The following ARSB variants were observed in gnomAD, a reference collection of about 807,000 sequenced individuals.
ARSB encodes N-acetylgalactosamine-4-sulfatase.
Under a neutral mutation model 50.9 loss-of-function variants are expected in ARSB, and 41 were observed. The observed-to-expected ratio is 0.81, with a 90% CI of 0.63 to 1.04. The LOEUF (loss-of-function observed/expected upper bound fraction) is 1.04, where lower values mean the gene tolerates loss of function less well. Among genes scored for constraint, ARSB ranks in the 50% least tolerant of loss-of-function variants. The pLI is 0.00. For missense variants in ARSB, 672 were observed against 693.3 expected, an observed-to-expected ratio of 0.97 and a Z score of 0.35; for synonymous variants, 269 against 284.8, an observed-to-expected ratio of 0.94 and a Z score of 0.56.
chr5:78,982,706 A>G (rs531948835), intron 1 of ARSB, among the ~76,000 whole-genome samples: 12 of 152,348 alleles, frequency 7.9e-5, no homozygotes, highest in African/African-American at 2.6e-4. Flanking sequence ...CAATACCAGC[A>G]TATAGTATCT....
At chr5:78,788,462 G>A (rs76294836) in intron 6 of ARSB, among the ~76,000 whole-genome samples, 1,801 of 152,302 alleles carry the variant, frequency 0.012, 46 homozygotes, top group African/African-American at 0.041. Flanking sequence ...CTCAGAAGTT[G>A]TCTTGAAATA....
intron 4 of ARSB, among the ~76,000 whole-genome samples, chr5:78,910,104 G>A (rs1264987705): frequency 6.6e-6 from 1 of 152,204 alleles, no homozygotes; most frequent in East Asian, 1.9e-4. Flanking sequence ...TTGCTCACAT[G>A]TTTTCTTGCT....
chr5:78,861,332 T>A (rs965615588), intron 5 of ARSB, among the ~76,000 whole-genome samples: 4 of 152,070 alleles, frequency 2.6e-5, no homozygotes, highest in South Asian at 2.1e-4. Flanking sequence ...TAGACCAATA[T>A]CCCTGATGAA....
chr5:78,933,569 G>T (rs148482173), intron 4 of ARSB, among the ~76,000 whole-genome samples: 9 of 152,030 alleles, frequency 5.9e-5, no homozygotes, highest in African/African-American at 1.9e-4. Context: ...GAGCTGCCTT[G>T]TGGATGGGGA....
At chr5:78,873,978 G>A (rs1177784060) in intron 5 of ARSB, among the ~76,000 whole-genome samples, 1 of 152,042 alleles carries the variant, frequency 6.6e-6, no homozygotes, top group Non-Finnish European at 1.5e-5. Flanking sequence ...TGGGTGCCCA[G>A]ACAAAAAACA....
intron 5 of ARSB, among the ~76,000 whole-genome samples, chr5:78,845,060 G>A (rs1262494625): frequency 6.6e-6 from 1 of 151,816 alleles, no homozygotes; most frequent in Non-Finnish European, 1.5e-5. Flanking sequence ...CACCCCTCAG[G>A]AAAAACACTA....
At chr5:78,919,239 A>G (rs1399251235) in intron 4 of ARSB, among the ~76,000 whole-genome samples, 1 of 152,168 alleles carries the variant, frequency 6.6e-6, no homozygotes, top group Non-Finnish European at 1.5e-5. Flanking sequence ...AGCTGTGGGG[A>G]CCACATAGTC....
At chr5:78,901,457 C>G (rs1035207521) in intron 4 of ARSB, among the ~76,000 whole-genome samples, 4 of 152,152 alleles carry the variant, frequency 2.6e-5, no homozygotes, top group Non-Finnish European at 5.9e-5. Context: ...ATCAAGATTT[C>G]ATGGAACTGG....
chr5:78,836,577 C>T (rs376416879), intron 6 of ARSB, among the ~76,000 whole-genome samples: 5 of 152,252 alleles, frequency 3.3e-5, no homozygotes, highest in East Asian at 3.9e-4. Context: ...CTATGGATGG[C>T]AAGATTAGGA....
At chr5:78,945,681 G>C (rs1461240989) in intron 4 of ARSB, among the ~76,000 whole-genome samples, 2 of 152,080 alleles carry the variant, frequency 1.3e-5, no homozygotes, top group Non-Finnish European at 2.9e-5. Context: ...TGGACCCCTG[G>C]GTCATGCTCT....
At chr5:78,866,893 T>A (rs576502993) in intron 5 of ARSB, among the ~76,000 whole-genome samples, 1 of 152,278 alleles carries the variant, frequency 6.6e-6, no homozygotes, top group East Asian at 1.9e-4. Context: ...TTTCTGCATT[T>A]CCATCTGAGG....
intron 6 of ARSB, among the ~76,000 whole-genome samples, chr5:78,801,570 G>A (rs544677953): frequency 5.7e-4 from 87 of 152,302 alleles, no homozygotes; most frequent in Non-Finnish European, 1.1e-3. Flanking sequence ...TCCTCAGCAC[G>A]CTAGGAATAA....
At chr5:78,966,097 T>A (rs778241255) in intron 2 of ARSB, among the ~76,000 whole-genome samples, 45 of 152,350 alleles carry the variant, frequency 3.0e-4, no homozygotes, top group South Asian at 6.2e-4. Context: ...CACTTCAGGT[T>A]CTTTAACTGT....
upstream of ARSB, chr5:78,985,383 G>T: frequency 2.2e-6 from 2 of 904,872 alleles, no homozygotes; most frequent in Non-Finnish European, 2.9e-6. Flanking sequence ...GGGCTTGCGA[G>T]GCCGGGCGCT....
At chr5:78,790,835 A>C (rs113605833) in intron 6 of ARSB, among the ~76,000 whole-genome samples, 160 of 152,310 alleles carry the variant, frequency 1.1e-3, no homozygotes, top group African/African-American at 2.9e-3. Flanking sequence ...AAACAAAAAA[A>C]CAACCAAAGT....
rs1748842262 is a variant in ARSB at position 78,778,821 on chromosome 5, AAGACCAGCTGG to A, written c.*1565_*1575del. 6.6e-6 allele frequency: 1 copy of A among 152,128 alleles called. No homozygotes were observed. Among genetic ancestry groups the A allele is most frequent in the Non-Finnish European group, 1.5e-5 (1 of 68,032 alleles). 9.4% of individuals were successfully genotyped at this position (152,128 alleles called of 1,614,324 possible). ...GATAATTGCTGGAGCCCAGGAGTTT[AAGACCAGCTGG>A]GCAACATAGGGAACCTTGTCTTTTC... On this transcript the variant is annotated 3_prime_UTR_variant, in exon 8 of 8. Transcript: ENST00000264914.
chr5:78,797,423 T>C (rs1454286837), intron 6 of ARSB, among the ~76,000 whole-genome samples: 1 of 152,246 alleles, frequency 6.6e-6, no homozygotes, highest in Non-Finnish European at 1.5e-5. Flanking sequence ...TATCCAACCA[T>C]AGTGCCTCTA....
intron 5 of ARSB, among the ~76,000 whole-genome samples, chr5:78,877,823 CAACT>C (rs1251547484): frequency 6.6e-6 from 1 of 152,120 alleles, no homozygotes; most frequent in Non-Finnish European, 1.5e-5. Flanking sequence ...CAATCACAAC[CAACT>C]GAGAAGTGAT....
At chr5:78,867,457 G>T (rs558436894) in intron 5 of ARSB, among the ~76,000 whole-genome samples, 1 of 152,204 alleles carries the variant, frequency 6.6e-6, no homozygotes, top group Non-Finnish European at 1.5e-5. Flanking sequence ...CTCCCAGCAC[G>T]CAGCTGGAGA....
Sources: allele counts gnomAD v4.1 joint callset (sites outside exome capture counted in the v4.1 genomes callset), GRCh38; gene constraint gnomAD v4.1.1; transcripts MANE v1.5; gene names NCBI Gene and HGNC (gene_info 2026-07-23, HGNC 2026-07-21).